MAST2: variants seen among roughly 807,000 people sequenced by gnomAD.
MAST2 encodes microtubule associated serine/threonine kinase 2.
In MAST2, 70 loss-of-function variants were observed where a neutral mutation model predicts 147.4. The observed-to-expected ratio is 0.47, with a 90% confidence interval of 0.39 to 0.58. The LOEUF (loss-of-function observed/expected upper bound fraction) is 0.58, where lower values mean the gene tolerates loss of function less well. MAST2 is among the 20% of genes least tolerant of loss of function. The pLI is 0.00. For synonymous variants in MAST2, 869 were observed against 896.8 expected (o/e 0.97, Z 0.55); for missense variants, 2,080 against 2,302.3 (o/e 0.90, Z 1.98).
At position 45,890,379 on chromosome 1, in the gene MAST2, C is replaced by T. The variant is rs554425882; in HGVS notation, c.500+7984C>T. ...AACTAGTAGTCCAAGAAGGTGACAA[C>T]ATGCTAAGTTTCTGGTAAACCTCTC... On this transcript the variant is annotated intron_variant, in intron 4 of 28. Transcript: ENST00000361297. Among the ~76,000 whole-genome samples, 11 of 152,322 alleles carry T rather than the reference C, an allele frequency of 7.2e-5. No individual in the cohort carries two copies. The South Asian group carries it at 2.3e-3, about 32-fold the overall frequency.
chr1:45,943,065 G>A (rs572668192), intron 4 of MAST2, among the ~76,000 whole-genome samples: 29 of 152,286 alleles, frequency 1.9e-4, no homozygotes, highest in African/African-American at 7.0e-4. Flanking sequence ...GCTGAGAAGT[G>A]AAAAATTAAC....
intron 1 of MAST2, among the ~76,000 whole-genome samples, chr1:45,819,424 T>A (rs1044003314): frequency 2.6e-5 from 4 of 152,184 alleles, no homozygotes; most frequent in African/African-American, 9.7e-5. Context: ...CAAATTATCC[T>A]TGTTTGCAGA....
At chr1:45,969,438 A>G (rs1270411300) in intron 5 of MAST2, among the ~76,000 whole-genome samples, 1 of 152,214 alleles carries the variant, frequency 6.6e-6, no homozygotes, top group African/African-American at 2.4e-5. Flanking sequence ...AGCGTCAGAC[A>G]ATCAAGTGAA....
At chr1:45,836,970 A>C (rs539684512) in intron 3 of MAST2, among the ~76,000 whole-genome samples, 69 of 152,168 alleles carry the variant, frequency 4.5e-4, no homozygotes, top group Non-Finnish European at 7.6e-4. Flanking sequence ...GATTCTCATG[A>C]GGAGCGTGCA....
At chr1:45,812,200 A>G (rs1444845938) in intron 1 of MAST2, among the ~76,000 whole-genome samples, 1 of 152,170 alleles carries the variant, frequency 6.6e-6, no homozygotes, top group East Asian at 1.9e-4. Flanking sequence ...GCAAAAGTTT[A>G]TTTGACCTCC....
At chr1:45,919,791 G>GGT (rs1557906541) in intron 4 of MAST2, among the ~76,000 whole-genome samples, 9 of 140,630 alleles carry the variant, frequency 6.4e-5, no homozygotes, top group Non-Finnish European at 3.1e-5. Context: ...TAAATTTCAT[G>GGT]TTTTTTTTTT....
chr1:45,831,116 G>A lies in MAST2; in HGVS notation c.468+1535G>A, dbSNP rs1644944371. ...ACAAAATTAAAGCTGTGTAGCCTGG[G>A]CAGGTTGCTTTGTTTCTGCCTGTTG... is the stretch of plus-strand genomic sequence containing the variant. On this transcript the variant is annotated intron_variant, in intron 3 of 28. Transcript: ENST00000361297. 4.6e-5 allele frequency among the ~76,000 whole-genome samples: 7 copies of A among 151,820 alleles called. 1 individual carries two copies. The South Asian group carries it at 1.2e-3, about 27-fold the overall frequency.
chr1:45,860,589 T>C (rs1421163097), intron 3 of MAST2, among the ~76,000 whole-genome samples: 2 of 152,046 alleles, frequency 1.3e-5, no homozygotes, highest in Non-Finnish European at 2.9e-5. Flanking sequence ...CCCAGCACTT[T>C]GGGAGGCCAA....
chr1:45,947,759 C>T (rs1391653749), intron 4 of MAST2, among the ~76,000 whole-genome samples: 1 of 152,224 alleles, frequency 6.6e-6, no homozygotes, highest in Non-Finnish European at 1.5e-5. Context: ...CTCTGTCGCC[C>T]AAGCTGGAGT....
At chr1:45,983,557 C>T (rs956719510) in intron 5 of MAST2, among the ~76,000 whole-genome samples, 19 of 149,722 alleles carry the variant, frequency 1.3e-4, no homozygotes, top group Non-Finnish European at 2.5e-4. Flanking sequence ...GTGACATGAT[C>T]GCAGCTCACT....
At chr1:45,915,750 A>G (rs1652410878) in intron 4 of MAST2, among the ~76,000 whole-genome samples, 1 of 151,566 alleles carries the variant, frequency 6.6e-6, no homozygotes. Context: ...TTTGGCTTTC[A>G]TAGATTTTTA....
intron 3 of MAST2, among the ~76,000 whole-genome samples, chr1:45,858,853 C>T (rs556977153): frequency 1.1e-3 from 161 of 152,156 alleles, no homozygotes; most frequent in Non-Finnish European, 1.8e-3. Context: ...TTTCCCAGCA[C>T]CATTTATTAA....
Position 46,030,203 on chromosome 1 carries a change from C to T in MAST2, c.2518C>T (p.Arg840Cys), listed in dbSNP as rs549114023. The T allele has an allele frequency of 5.9e-5, 96 of 1,614,194 alleles. 2 individuals carry two copies. Among genetic ancestry groups the T allele is most frequent in the Non-Finnish European group, 7.5e-5 (89 of 1,180,030 alleles). ...GAGTGAGGATGGCTGCCTTGAGATC[C>T]GCCAGTTCTCTTCCTGCTCTCCAAG... The part of the protein sequence containing the change: ...EVSEDGCLEI[R>C]QFSSCSPRFN... Residue 840 changes from arginine to cysteine, a missense_variant, in exon 21 of 29, where the codon CGC becomes TGC. Physicochemically the swap from Arg to Cys is radical, Grantham distance 180. Transcript: ENST00000361297.
rs1445995836 is a variant in MAST2, at chr1:46,008,345, C to T, written c.952C>T (p.His318Tyr). The change falls in exon 9 of 29, where the codon CAT becomes TAT. Residue 318 changes from histidine to tyrosine, a missense_variant. By Grantham distance (83) the His-to-Tyr change is moderately conservative. Coordinates refer to ENST00000361297, the MANE Select transcript of MAST2 (RefSeq NM_015112.3). ...TGACAGTGAAATAATAATGATGAAT[C>T]ATGTTTACAAAGAAAGATTCCCAAA... ...SFDSEIIMMNHVYKERFPKAT... is the reference protein window; with the variant it reads ...SFDSEIIMMNYVYKERFPKAT... 4 of 1,612,490 alleles carry T rather than the reference C, an allele frequency of 2.5e-6. No individual in the cohort carries two copies. In the African/African-American group the frequency reaches 5.3e-5, roughly 22 times the overall value.
intron 4 of MAST2, among the ~76,000 whole-genome samples, chr1:45,909,334 T>C (rs1651290489): frequency 6.6e-6 from 1 of 152,184 alleles, no homozygotes; most frequent in Non-Finnish European, 1.5e-5. Context: ...ATTTTAAAAA[T>C]CATTCTTATA....
intron 3 of MAST2, among the ~76,000 whole-genome samples, chr1:45,870,944 C>T (rs1646363109): frequency 6.6e-6 from 1 of 151,788 alleles, no homozygotes; most frequent in Non-Finnish European, 1.5e-5. Flanking sequence ...ATTAAAATAA[C>T]AACAACAAAA....
intron 4 of MAST2, among the ~76,000 whole-genome samples, chr1:45,914,452 A>G (rs1382520413): frequency 6.6e-6 from 1 of 152,228 alleles, no homozygotes; most frequent in Non-Finnish European, 1.5e-5. Flanking sequence ...CTTTTCCAAG[A>G]GCAGCTCAGG....
At chr1:45,965,237 A>G (rs1333155852) in intron 5 of MAST2, among the ~76,000 whole-genome samples, 2 of 152,124 alleles carry the variant, frequency 1.3e-5, no homozygotes, top group Non-Finnish European at 2.9e-5. Context: ...TATTAGGTCC[A>G]CTTGGTGCAG....
chr1:45,954,340 A>G (rs1158308814), intron 4 of MAST2, among the ~76,000 whole-genome samples: 5 of 152,154 alleles, frequency 3.3e-5, no homozygotes, highest in Non-Finnish European at 5.9e-5. Context: ...GAAACGATCT[A>G]CTACTCTCCA....
Sources: gnomAD v4.1 joint callset for allele counts (sites outside exome capture counted in the v4.1 genomes callset) on GRCh38, gnomAD v4.1.1 for gene constraint, MANE v1.5 for transcripts, NCBI Gene and HGNC (gene_info 2026-07-23, HGNC 2026-07-21) for gene names.